Variants in TANK observed in about 807,000 individuals in gnomAD.
TANK encodes the protein TRAF family member associated NFKB activator, also known as TRAF family member-associated NF-kappa-B activator.
In TANK, 15 loss-of-function variants were observed where a neutral mutation model predicts 43.6. That is an observed-to-expected ratio of 0.34 (90% CI 0.23 to 0.53). The LOEUF is 0.53. Ranked by LOEUF, TANK falls within the 20% of genes least tolerant of loss-of-function variation. TANK has a pLI of 0.94. For missense variants in TANK, 417 were observed against 498.6 expected (o/e 0.84, Z 1.56); for synonymous variants, 162 against 178.2 (o/e 0.91, Z 0.73).
chr2:161,209,753 C>A (rs1237536000), intron 4 of TANK, among the ~76,000 whole-genome samples: 1 of 152,120 alleles, frequency 6.6e-6, no homozygotes, highest in Non-Finnish European at 1.5e-5. Context: ...AATTATTTTT[C>A]TTCATTTATC....
chr2:161,201,597 T>G (rs1447142991), intron 2 of TANK, among the ~76,000 whole-genome samples: 1 of 152,190 alleles, frequency 6.6e-6, no homozygotes, highest in Admixed American at 6.6e-5. Context: ...GTGAAGAACT[T>G]TGAGTTCTTG....
chr2:161,149,410 T>C (rs944759811), intron 1 of TANK, among the ~76,000 whole-genome samples: 16 of 152,184 alleles, frequency 1.1e-4, no homozygotes, highest in Non-Finnish European at 2.4e-4. Flanking sequence ...TTTTCATATA[T>C]AGGATAATAT....
At chr2:161,200,593 T>C in intron 2 of TANK, 1 of 949,774 alleles carries the variant, frequency 1.1e-6, no homozygotes, top group Non-Finnish European at 1.3e-6. Flanking sequence ...TTTCTAACGG[T>C]ATAAGCTTCC....
At chr2:161,137,206 T>C (rs1683612011) in intron 1 of TANK, 1 of 985,294 alleles carries the variant, frequency 1.0e-6, no homozygotes, top group African/African-American at 1.7e-5. Context: ...GCCTTTGTAG[T>C]TAACGTCATA....
At chr2:161,145,497 G>A (rs1282134078) in intron 1 of TANK, among the ~76,000 whole-genome samples, 1 of 151,884 alleles carries the variant, frequency 6.6e-6, no homozygotes, top group East Asian at 1.9e-4. Flanking sequence ...CATAGTTAGT[G>A]CTTCCTTCAG....
intron 4 of TANK, among the ~76,000 whole-genome samples, chr2:161,218,523 C>T (rs1278512504): frequency 4.6e-5 from 7 of 152,100 alleles, no homozygotes; most frequent in South Asian, 2.1e-4. Flanking sequence ...TAATTAAATA[C>T]GTAATTCAGA....
intron 2 of TANK, among the ~76,000 whole-genome samples, chr2:161,184,756 T>C (rs759651067): frequency 6.6e-5 from 10 of 152,216 alleles, no homozygotes; most frequent in Non-Finnish European, 1.3e-4. Context: ...GATAAGAGGG[T>C]ACAAATTTGG....
At chr2:161,179,843 T>C in intron 2 of TANK, 82 bp downstream of exon 2, 1 of 1,467,994 alleles carries the variant, frequency 6.8e-7, no homozygotes, top group Non-Finnish European at 9.1e-7. Flanking sequence ...AAATGTTATA[T>C]TGTTAGAAAT....
chr2:161,187,481 A>G (rs1320306032), intron 2 of TANK, among the ~76,000 whole-genome samples: 1 of 152,148 alleles, frequency 6.6e-6, no homozygotes, highest in Non-Finnish European at 1.5e-5. Context: ...GGAAAGGGAC[A>G]TTATATAATG....
rs191953274 is a variant in TANK at position 161,206,229 on chromosome 2, A to G, written c.327+1436A>G. ...ATGTATGTATATTATATTGTTCTCCATGTTTTCATAAGTCATTGAAATTTT... is the reference window on the plus strand; with the variant it reads ...ATGTATGTATATTATATTGTTCTCCGTGTTTTCATAAGTCATTGAAATTTT... On this transcript the variant is annotated intron_variant, in intron 4 of 7. Transcript: ENST00000392749. Among the ~76,000 whole-genome samples, 803 of 152,248 alleles carry G rather than the reference A, an allele frequency of 5.3e-3. 7 individuals are homozygous for G. Among genetic ancestry groups the G allele is most frequent in the African/African-American group, 0.018 (744 of 41,558 alleles).
At chr2:161,227,679 A>G (rs1687700595) in intron 6 of TANK, among the ~76,000 whole-genome samples, 1 of 152,244 alleles carries the variant, frequency 6.6e-6, no homozygotes, top group South Asian at 2.1e-4. Flanking sequence ...ATTCTCCAGC[A>G]TTCACCTTGT....
chr2:161,234,725 G>A (rs1055229227), intron 7 of TANK, among the ~76,000 whole-genome samples: 6 of 152,284 alleles, frequency 3.9e-5, no homozygotes, highest in Non-Finnish European at 5.9e-5. Flanking sequence ...AACACTGCAT[G>A]TGTTAGATTT....
chr2:161,192,678 T>C (rs1685970758), intron 2 of TANK, among the ~76,000 whole-genome samples: 1 of 152,236 alleles, frequency 6.6e-6, no homozygotes. Flanking sequence ...AGAAGCAGTC[T>C]TCTTCCCTTC....
chr2:161,207,588 G>A, intron 4 of TANK: 5 of 985,168 alleles, frequency 5.1e-6, no homozygotes, highest in Non-Finnish European at 4.8e-6. Context: ...ATATTTGAGA[G>A]TTGGCTGTGT....
chr2:161,198,620 C>T (rs533081813), intron 2 of TANK, among the ~76,000 whole-genome samples: 31 of 152,154 alleles, frequency 2.0e-4, no homozygotes, highest in Non-Finnish European at 2.8e-4. Context: ...GAGCATATCG[C>T]GAGACAAATA....
chr2:161,201,332 A>T lies in TANK; in HGVS notation c.100-2155A>T, dbSNP rs573214723. 25 of 882,406 alleles carry T rather than the reference A, an allele frequency of 2.8e-5. No individual in the cohort carries two copies. In the African/African-American group the frequency reaches 4.0e-4, roughly 14 times the overall value. 54.7% of individuals were successfully genotyped at this position (882,406 alleles called of 1,614,324 possible). On this transcript the variant is annotated intron_variant, in intron 2 of 7. Coordinates refer to ENST00000392749, the MANE Select transcript of TANK (RefSeq NM_001199135.3). Reference sequence around the variant, plus strand: ...ATCTTATATGCAGATGTGCTAAAGTATGTTTTTTAAGCCAGAGAATAGAAG... The same window carrying T: ...ATCTTATATGCAGATGTGCTAAAGTTTGTTTTTTAAGCCAGAGAATAGAAG...
chr2:161,221,522 T>C (rs1388233159), intron 4 of TANK, among the ~76,000 whole-genome samples: 1 of 152,126 alleles, frequency 6.6e-6, no homozygotes, highest in Non-Finnish European at 1.5e-5. Context: ...CCATTGATTA[T>C]ACTAATCCTA....
At chr2:161,158,231 C>T (rs941389599), upstream of TANK, among the ~76,000 whole-genome samples, 2 of 152,114 alleles carry the variant, frequency 1.3e-5, no homozygotes, top group African/African-American at 4.8e-5. Context: ...CATCACTGCT[C>T]ACTAACTTGA....
chr2:161,145,402 G>T (rs1010969450), intron 1 of TANK, among the ~76,000 whole-genome samples: 1 of 151,774 alleles, frequency 6.6e-6, no homozygotes, highest in Admixed American at 6.6e-5. Flanking sequence ...ACTAGTTGAT[G>T]CAGTTTTTTC....
Sources: allele counts gnomAD v4.1 joint callset (sites outside exome capture counted in the v4.1 genomes callset), GRCh38; gene constraint gnomAD v4.1.1; transcripts MANE v1.5; gene names NCBI Gene and HGNC (gene_info 2026-07-23, HGNC 2026-07-21).